POLK: variants seen among roughly 807,000 people sequenced by gnomAD.
POLK encodes polymerase (DNA directed) kappa.
Under a neutral mutation model 94.0 loss-of-function variants are expected in POLK, and 76 were observed. That is an observed-to-expected ratio of 0.81 (90% CI 0.67 to 0.98). The LOEUF (loss-of-function observed/expected upper bound fraction) is 0.98. Among genes scored for constraint, POLK ranks in the 50% least tolerant of loss-of-function variants. The probability of loss-of-function intolerance (pLI) is 0.00; values close to 1 mark genes in which losing one functional copy is unlikely to be tolerated. For synonymous variants in POLK, 349 were observed against 325.4 expected, an observed-to-expected ratio of 1.07 and a Z score of -0.78; for missense variants, 954 against 1,010.1, an observed-to-expected ratio of 0.94 and a Z score of 0.75.
chr5:75,555,732 A>G (rs1770588648), intron 3 of POLK, among the ~76,000 whole-genome samples: 1 of 152,054 alleles, frequency 6.6e-6, no homozygotes, highest in South Asian at 2.1e-4. Context: ...ATTTTTTAGT[A>G]GAGACGGGGT....
chr5:75,547,417 G>A (rs574761683), intron 2 of POLK, among the ~76,000 whole-genome samples: 6 of 151,084 alleles, frequency 4.0e-5, no homozygotes, highest in Admixed American at 1.3e-4. Flanking sequence ...TTTAACCCCA[G>A]TGGGAGAAAT....
exon 15 of POLK, chr5:75,598,035 CATT>C: frequency 2.1e-6 from 2 of 972,628 alleles, no homozygotes; most frequent in Non-Finnish European, 3.1e-6. Context: ...AACATTTTAT[CATT>C]AATTTTTAAT....
intron 6 of POLK, among the ~76,000 whole-genome samples, chr5:75,577,196 T>C (rs958577867): frequency 3.3e-5 from 5 of 152,188 alleles, no homozygotes; most frequent in African/African-American, 1.2e-4. Context: ...AGTAATTTTA[T>C]AGCAGTTATT....
intron 2 of POLK, among the ~76,000 whole-genome samples, chr5:75,550,747 A>C (rs1770297240): frequency 6.6e-6 from 1 of 152,202 alleles, no homozygotes; most frequent in South Asian, 2.1e-4. Flanking sequence ...CTTGAAATAG[A>C]AGGGTACTTC....
intron 5 of POLK, among the ~76,000 whole-genome samples, chr5:75,574,554 A>C (rs1372426511): frequency 6.6e-6 from 1 of 152,226 alleles, no homozygotes; most frequent in Non-Finnish European, 1.5e-5. Context: ...TTAGACTGCT[A>C]TAGTAAAATG....
intron 3 of POLK, 40 bp from the exon 4 acceptor site, chr5:75,569,300 A>G: frequency 7.1e-7 from 1 of 1,403,292 alleles, no homozygotes; most frequent in Non-Finnish European, 9.9e-7. Context: ...TTTCAATATT[A>G]TGTTGTCTAA....
chr5:75,589,533 C>T (rs1309131614), intron 10 of POLK, among the ~76,000 whole-genome samples: 2 of 152,016 alleles, frequency 1.3e-5, no homozygotes, highest in Non-Finnish European at 2.9e-5. Context: ...TCACTGCAAG[C>T]TCCGCCTCCT....
intron 1 of POLK, among the ~76,000 whole-genome samples, chr5:75,546,245 A>G (rs929700407): frequency 1.3e-5 from 2 of 152,212 alleles, no homozygotes; most frequent in African/African-American, 4.8e-5. Flanking sequence ...AGAAAGCCAG[A>G]GAAAGGAAAA....
chr5:75,548,478 T>C (rs1035342947), intron 2 of POLK, among the ~76,000 whole-genome samples: 3 of 149,858 alleles, frequency 2.0e-5, no homozygotes, highest in Admixed American at 6.7e-5. Flanking sequence ...AGAATATATA[T>C]GTATTAATGT....
At chr5:75,559,366 AT>A (rs1160320924) in intron 3 of POLK, among the ~76,000 whole-genome samples, 1 of 152,060 alleles carries the variant, frequency 6.6e-6, no homozygotes, top group Non-Finnish European at 1.5e-5. Flanking sequence ...AAGCACAGTC[AT>A]TTTTGTAACT....
At chr5:75,525,593 G>A (rs1375978505) in intron 1 of POLK, among the ~76,000 whole-genome samples, 1 of 152,162 alleles carries the variant, frequency 6.6e-6, no homozygotes, top group African/African-American at 2.4e-5. Flanking sequence ...TCCAAAGGGA[G>A]ATGAGAGAGA....
chr5:75,569,386 A>G, exon 4 of POLK: 1 of 1,613,452 alleles, frequency 6.2e-7, no homozygotes, highest in Non-Finnish European at 8.5e-7. Context: ...AATTTGAGCA[A>G]TACCATAGTG....
At chr5:75,577,674 C>T (rs762694483) in intron 6 of POLK, among the ~76,000 whole-genome samples, 7 of 152,326 alleles carry the variant, frequency 4.6e-5, no homozygotes, top group Middle Eastern at 3.4e-3. Flanking sequence ...CCACTCATTG[C>T]TTCAGACGGG....
chr5:75,551,938 C>T (rs1770356382), intron 2 of POLK, among the ~76,000 whole-genome samples: 1 of 152,180 alleles, frequency 6.6e-6, no homozygotes. Context: ...TAGCATTCTT[C>T]ACTGTAGCCA....
intron 4 of POLK, among the ~76,000 whole-genome samples, chr5:75,570,352 A>AT (rs1329790986): frequency 1.3e-5 from 2 of 152,202 alleles, no homozygotes; most frequent in Non-Finnish European, 2.9e-5. Context: ...ATTCTAAAGT[A>AT]TTAATAGAGA....
chr5:75,584,878 A>G (rs1210506898), exon 9 of POLK: 2 of 1,607,944 alleles, frequency 1.2e-6, no homozygotes, highest in East Asian at 2.2e-5. Flanking sequence ...ACATCTTGGC[A>G]TTATTTCCTT....
At chr5:75,584,035 A>C (rs1679645384) in intron 8 of POLK, among the ~76,000 whole-genome samples, 1 of 152,226 alleles carries the variant, frequency 6.6e-6, no homozygotes, top group Admixed American at 6.5e-5. Flanking sequence ...CTCAGTATGT[A>C]ATATGTAATG....
intron 1 of POLK, among the ~76,000 whole-genome samples, chr5:75,516,932 T>G (rs1768352387): frequency 6.6e-6 from 1 of 152,258 alleles, no homozygotes; most frequent in African/African-American, 2.4e-5. Context: ...CTTGATTGCT[T>G]TGTCAAAAAT....
chr5:75,608,874 T>C, the POLK span: 1 of 152,324 alleles, frequency 6.6e-6, no homozygotes, highest in South Asian at 2.1e-4. Flanking sequence ...GGCCAGATCA[T>C]GTGGGCAAGC....
Sources: gnomAD v4.1 joint callset for allele counts (sites outside exome capture counted in the v4.1 genomes callset) on GRCh38, gnomAD v4.1.1 for gene constraint, MANE v1.5 for transcripts, NCBI Gene and HGNC (gene_info 2026-07-23, HGNC 2026-07-21) for gene names.